AFG2A: variants seen among roughly 807,000 people sequenced by gnomAD.
The protein encoded by AFG2A is AAA ATPase AFG2A.
At chr4:122,979,719 A>G in the AFG2A span, among the ~76,000 whole-genome samples, 1 of 152,038 alleles carries the variant, frequency 6.6e-6, no homozygotes, top group Non-Finnish European at 1.5e-5. Context: ...CCTGGTTAAC[A>G]TGGTAAAACC....
chr4:123,223,809 G>C, the AFG2A span, among the ~76,000 whole-genome samples: 6 of 152,140 alleles, frequency 3.9e-5, no homozygotes, highest in Non-Finnish European at 7.4e-5. Flanking sequence ...ATATATTTTG[G>C]AGACTAACCC....
the AFG2A span, among the ~76,000 whole-genome samples, chr4:123,120,412 C>T: frequency 6.0e-4 from 91 of 152,144 alleles, no homozygotes; most frequent in East Asian, 0.015. Context: ...TCATTTTATC[C>T]GTTATAATTA....
At chr4:123,165,687 C>T in the AFG2A span, among the ~76,000 whole-genome samples, 3 of 151,916 alleles carry the variant, frequency 2.0e-5, no homozygotes, top group African/African-American at 4.8e-5. Context: ...CATATAAATT[C>T]GGATGATTTC....
At chr4:123,009,439 C>T in the AFG2A span, among the ~76,000 whole-genome samples, 1 of 152,208 alleles carries the variant, frequency 6.6e-6, no homozygotes, top group Non-Finnish European at 1.5e-5. Context: ...AAGGTACATA[C>T]ATACTGGGAT....
chr4:123,116,191 C>T, the AFG2A span, among the ~76,000 whole-genome samples: 3 of 152,088 alleles, frequency 2.0e-5, no homozygotes, highest in Admixed American at 2.0e-4. Flanking sequence ...ATTTTGAGGA[C>T]GTTTCTCTTT....
chr4:122,983,996 TAGACCTTCTTCTGACAG>T, the AFG2A span, among the ~76,000 whole-genome samples: 2 of 152,172 alleles, frequency 1.3e-5, no homozygotes, highest in Non-Finnish European at 2.9e-5. Flanking sequence ...CCTTCAGCCC[TAGACCTTCTTCTGACAG>T]AGCCTACCCA....
chr4:122,942,736 A>G, the AFG2A span, among the ~76,000 whole-genome samples: 1 of 150,884 alleles, frequency 6.6e-6, no homozygotes, highest in Non-Finnish European at 1.5e-5. Context: ...TAGGGTGTCA[A>G]TTTTGGATCT....
the AFG2A span, among the ~76,000 whole-genome samples, chr4:123,129,354 G>C: frequency 6.6e-6 from 1 of 152,144 alleles, no homozygotes; most frequent in Non-Finnish European, 1.5e-5. Flanking sequence ...CCGTTTAAGA[G>C]CATAACCCAT....
the AFG2A span, among the ~76,000 whole-genome samples, chr4:123,192,962 G>T: frequency 6.6e-6 from 1 of 152,182 alleles, no homozygotes; most frequent in Non-Finnish European, 1.5e-5. Context: ...GTGAATAAAT[G>T]AGAAATAAGT....
the AFG2A span, among the ~76,000 whole-genome samples, chr4:122,939,482 C>A: frequency 1.2e-4 from 19 of 152,074 alleles, no homozygotes; most frequent in Admixed American, 9.8e-4. Context: ...TTCTAAGACT[C>A]CTGACATCCA....
the AFG2A span, among the ~76,000 whole-genome samples, chr4:123,023,889 G>A: frequency 1.5e-4 from 23 of 152,068 alleles, no homozygotes; most frequent in East Asian, 1.2e-3. Context: ...ATCCGCCAGC[G>A]ATTTGGCTTC....
At chr4:123,097,782 A>G in the AFG2A span, among the ~76,000 whole-genome samples, 1 of 152,122 alleles carries the variant, frequency 6.6e-6, no homozygotes, top group African/African-American at 2.4e-5. Flanking sequence ...GTCTTACTTC[A>G]TTTCGATGTT....
the AFG2A span, among the ~76,000 whole-genome samples, chr4:123,164,095 T>C: frequency 1.3e-5 from 2 of 152,180 alleles, no homozygotes; most frequent in African/African-American, 4.8e-5. Flanking sequence ...GTTCTTTTTA[T>C]TGAGAAAACC....
the AFG2A span, among the ~76,000 whole-genome samples, chr4:123,022,809 G>A: frequency 9.2e-5 from 14 of 152,088 alleles, no homozygotes; most frequent in Admixed American, 9.2e-4. Context: ...TGATAGACAG[G>A]ATTAAGAAAA....
At chr4:123,252,060 C>T in the AFG2A span, among the ~76,000 whole-genome samples, 3 of 152,074 alleles carry the variant, frequency 2.0e-5, no homozygotes, top group Admixed American at 6.5e-5. Context: ...AGAATTTTTA[C>T]ATACTACCAT....
At chr4:123,132,597 C>CATATATATAT in the AFG2A span, among the ~76,000 whole-genome samples, 14,060 of 139,968 alleles carry the variant, frequency 0.1, 865 homozygotes, top group Admixed American at 0.18. Context: ...GATGTGTGTA[C>CATATATATAT]ATATATATAT....
At chr4:122,987,581 C>A in the AFG2A span, among the ~76,000 whole-genome samples, 1 of 150,130 alleles carries the variant, frequency 6.7e-6, no homozygotes, top group African/African-American at 2.4e-5. Flanking sequence ...CTTTGTGTAT[C>A]TATTACATGA....
the AFG2A span, among the ~76,000 whole-genome samples, chr4:122,977,615 C>T: frequency 6.6e-6 from 1 of 152,272 alleles, no homozygotes; most frequent in Non-Finnish European, 1.5e-5. Context: ...CTCTTCTTCT[C>T]ATTGCCCAAA....
chr4:123,051,743 T>G, the AFG2A span, among the ~76,000 whole-genome samples: 1 of 151,810 alleles, frequency 6.6e-6, no homozygotes, highest in Non-Finnish European at 1.5e-5. Flanking sequence ...TTTTTTATTT[T>G]CTTTCAGCAT....
Sources: allele counts gnomAD v4.1 joint callset (sites outside exome capture counted in the v4.1 genomes callset), GRCh38; gene constraint gnomAD v4.1.1; transcripts MANE v1.5; gene names NCBI Gene and HGNC (gene_info 2026-07-23, HGNC 2026-07-21).